Variants in SBF2 observed in about 807,000 individuals in gnomAD.
SBF2 encodes the protein SET binding factor 2.
A neutral mutation model predicts 225.2 loss-of-function variants in SBF2; 112 were observed. The observed-to-expected ratio is 0.50, with a 90% CI of 0.43 to 0.58. The LOEUF (loss-of-function observed/expected upper bound fraction) is 0.58. SBF2 is among the 20% of genes least tolerant of loss of function. The pLI is 0.00. For missense variants in SBF2, 1,996 were observed against 2,206.2 expected (o/e 0.90, Z 1.91); for synonymous variants, 763 against 773.3 (o/e 0.99, Z 0.22).
chr11:10,239,548 G>A (rs1959179680), intron 1 of SBF2, among the ~76,000 whole-genome samples: 3 of 121,272 alleles, frequency 2.5e-5, no homozygotes, highest in Admixed American at 1.6e-4. Context: ...GAAAAAATTG[G>A]ATGTGTCTGT....
At chr11:9,808,267 T>A in intron 31 of SBF2, 82 bp from the exon 32 acceptor site, 1 of 1,188,954 alleles carries the variant, frequency 8.4e-7, no homozygotes. Flanking sequence ...TTCCTTCTGA[T>A]GATAGCTAAT....
chr11:9,789,484 A>AAATC (rs1408492559), intron 34 of SBF2, 142 bp from the exon 35 acceptor site: 10 of 636,146 alleles, frequency 1.6e-5, no homozygotes, highest in African/African-American at 7.3e-5. Context: ...AAATATTTAA[A>AAATC]AATCATACAT....
At chr11:9,985,665 C>T (rs974269979) in intron 13 of SBF2, among the ~76,000 whole-genome samples, 2 of 152,108 alleles carry the variant, frequency 1.3e-5, no homozygotes, top group African/African-American at 4.8e-5. Context: ...TGTAAAGCAA[C>T]AGTGGTTAAA....
chr11:10,189,420 T>G (rs373015758), intron 2 of SBF2, among the ~76,000 whole-genome samples: 1 of 152,218 alleles, frequency 6.6e-6, no homozygotes, highest in Non-Finnish European at 1.5e-5. Context: ...ATTTATTGTA[T>G]GTATTGCATT....
chr11:9,894,255 A>T (rs1314863096), intron 17 of SBF2, among the ~76,000 whole-genome samples: 2 of 152,198 alleles, frequency 1.3e-5, no homozygotes, highest in Non-Finnish European at 2.9e-5. Context: ...ATGGTGGTTC[A>T]CACCTGTAAT....
chr11:9,792,240 T>C (rs1370682111), intron 33 of SBF2, among the ~76,000 whole-genome samples: 1 of 151,996 alleles, frequency 6.6e-6, no homozygotes, highest in Non-Finnish European at 1.5e-5. Flanking sequence ...GAGACCAGCC[T>C]GCCAACATGG....
intron 30 of SBF2, 43 bp downstream of exon 30, chr11:9,812,489 T>C (rs984195638): frequency 2.5e-6 from 4 of 1,606,184 alleles, no homozygotes; most frequent in Non-Finnish European, 3.4e-6. Context: ...CTTGGGCCTC[T>C]GTTTCTTTGA....
chr11:10,196,866 A>ATTTTT (rs1555073581), intron 1 of SBF2, among the ~76,000 whole-genome samples: 1,349 of 99,158 alleles, frequency 0.014, 64 homozygotes, highest in East Asian at 0.023. Flanking sequence ...ATATATATAT[A>ATTTTT]TTTTTTTTTT....
intron 16 of SBF2, 100 bp from the exon 17 acceptor site, chr11:9,896,111 G>T: frequency 1.0e-6 from 1 of 961,742 alleles, no homozygotes; most frequent in Non-Finnish European, 1.7e-6. Flanking sequence ...TGTCCTATGG[G>T]GTTTTTACCT....
intron 2 of SBF2, among the ~76,000 whole-genome samples, chr11:10,118,467 C>T (rs1033904316): frequency 7.2e-5 from 11 of 151,810 alleles, no homozygotes; most frequent in African/African-American, 2.2e-4. Context: ...TCAAATTTTG[C>T]CCAAAGTAAT....
At chr11:10,055,147 C>T (rs1950206684) in intron 2 of SBF2, among the ~76,000 whole-genome samples, 1 of 152,080 alleles carries the variant, frequency 6.6e-6, no homozygotes, top group Non-Finnish European at 1.5e-5. Flanking sequence ...GGTGATCCAC[C>T]CACCTCAGCC....
rs759960685 is a variant in SBF2 at position 9,839,683 on chromosome 11, A to C, written c.3270T>G (p.Ser1090Arg). The C allele has an allele frequency of 5.0e-6, 8 of 1,611,898 alleles. No homozygotes were observed. The highest frequency in any genetic ancestry group is 6.8e-6 in the Non-Finnish European group (8 of 1,179,174). ...TCAGGGTGGTACTTGTGGGGAGCTC[A>C]CTCTCATCTGAAACTGTGATGGTAG... ...EDDDVSVSDE[S>R]ELPTSTTLKA... Residue 1090 changes from serine to arginine, a missense_variant, in exon 26 of 40, where the codon AGT becomes AGG. Physicochemically the swap from Ser to Arg is moderately radical, Grantham distance 110. Coordinates refer to ENST00000256190, the MANE Select transcript of SBF2 (RefSeq NM_030962.4).
chr11:10,172,963 T>C (rs1414674698), intron 2 of SBF2, among the ~76,000 whole-genome samples: 1 of 152,234 alleles, frequency 6.6e-6, no homozygotes, highest in East Asian at 1.9e-4. Flanking sequence ...CCAGCGTGCC[T>C]GGCCTTAATT....
At chr11:9,976,771 T>C (rs1379706904) in intron 13 of SBF2, among the ~76,000 whole-genome samples, 1 of 149,528 alleles carries the variant, frequency 6.7e-6, no homozygotes. Flanking sequence ...GTTGTTGTTG[T>C]TTTTTGTTTT....
intron 16 of SBF2, among the ~76,000 whole-genome samples, chr11:9,933,832 A>T (rs754383644): frequency 6.6e-6 from 1 of 152,236 alleles, no homozygotes; most frequent in Non-Finnish European, 1.5e-5. Context: ...AAAGAGATAG[A>T]GACACAAAAA....
At chr11:10,270,221 C>A (rs982180695) in intron 1 of SBF2, among the ~76,000 whole-genome samples, 1 of 152,112 alleles carries the variant, frequency 6.6e-6, no homozygotes, top group Non-Finnish European at 1.5e-5. Context: ...GCACCAACCC[C>A]TGTGCAGTCA....
At chr11:9,842,135 T>C (rs536614142) in intron 25 of SBF2, among the ~76,000 whole-genome samples, 6 of 152,308 alleles carry the variant, frequency 3.9e-5, no homozygotes, top group Non-Finnish European at 5.9e-5. Context: ...CTGAGAGATA[T>C]TGTAGCTGTT....
chr11:10,228,420 C>T (rs1958674628), intron 1 of SBF2, among the ~76,000 whole-genome samples: 2 of 152,154 alleles, frequency 1.3e-5, no homozygotes, highest in Admixed American at 1.3e-4. Context: ...AGGAATGCTT[C>T]CAGTTTTTGC....
At chr11:10,036,663 T>TAAAGG (rs1001441503) in intron 3 of SBF2, among the ~76,000 whole-genome samples, 2 of 152,202 alleles carry the variant, frequency 1.3e-5, no homozygotes, top group African/African-American at 4.8e-5. Context: ...TACAGATCAT[T>TAAAGG]AAAGGCATAA....
Sources: allele counts gnomAD v4.1 joint callset (sites outside exome capture counted in the v4.1 genomes callset), GRCh38; gene constraint gnomAD v4.1.1; transcripts MANE v1.5; gene names NCBI Gene and HGNC (gene_info 2026-07-23, HGNC 2026-07-21).